Variants in NRXN3 observed in about 807,000 individuals in gnomAD.
The protein encoded by NRXN3 is neurexin III.
NRXN3 carries 32 observed loss-of-function variants against 137.6 expected under a neutral mutation model. The ratio of observed to expected loss-of-function variants is 0.23; its 90% CI spans 0.18 to 0.31. NRXN3 has a LOEUF of 0.31. Ranked by LOEUF, NRXN3 falls within the 10% of genes least tolerant of loss-of-function variation. The pLI is 1.00. For missense variants in NRXN3, 1,574 were observed against 2,062.5 expected (o/e 0.76, Z 4.59); for synonymous variants, 798 against 784.5 (o/e 1.02, Z -0.29).
chr14:79,517,369 C>G (rs1216277551), intron 16 of NRXN3, among the ~76,000 whole-genome samples: 1 of 152,122 alleles, frequency 6.6e-6, no homozygotes, highest in African/African-American at 2.4e-5. Flanking sequence ...AGACTAATCT[C>G]CATGATATGG....
intron 4 of NRXN3, among the ~76,000 whole-genome samples, chr14:78,324,378 T>C (rs904914290): frequency 3.3e-5 from 5 of 152,196 alleles, no homozygotes; most frequent in Admixed American, 1.3e-4. Flanking sequence ...CAATGAGATG[T>C]GTTCTACCCA....
intron 10 of NRXN3, among the ~76,000 whole-genome samples, chr14:78,897,573 T>A (rs2099181120): frequency 6.6e-6 from 1 of 151,774 alleles, no homozygotes; most frequent in Admixed American, 6.6e-5. Flanking sequence ...ACACTGGGAG[T>A]GACAGGATCT....
chr14:79,496,252 C>G (rs200038319), intron 16 of NRXN3, among the ~76,000 whole-genome samples: 1 of 145,868 alleles, frequency 6.9e-6, no homozygotes, highest in African/African-American at 2.7e-5. Context: ...CACACACACA[C>G]ACAGACACAC....
At chr14:79,025,010 A>G (rs937949592) in intron 15 of NRXN3, among the ~76,000 whole-genome samples, 16 of 152,164 alleles carry the variant, frequency 1.1e-4, no homozygotes, top group Admixed American at 8.5e-4. Context: ...ATGGCCCTGG[A>G]TGTGACTGCC....
At chr14:78,846,710 T>C (rs1334940732) in intron 10 of NRXN3, among the ~76,000 whole-genome samples, 35 of 152,062 alleles carry the variant, frequency 2.3e-4, no homozygotes, top group Non-Finnish European at 1.2e-4. Flanking sequence ...TATGCTGCAA[T>C]AAAAATGAAA....
chr14:78,663,415 A>G (rs1241926552), intron 6 of NRXN3, among the ~76,000 whole-genome samples: 1 of 152,134 alleles, frequency 6.6e-6, no homozygotes, highest in Non-Finnish European at 1.5e-5. Flanking sequence ...TTTTTGCTTG[A>G]TTTCCCACTT....
At chr14:79,595,390 A>G (rs925620940) in intron 16 of NRXN3, among the ~76,000 whole-genome samples, 9 of 152,220 alleles carry the variant, frequency 5.9e-5, no homozygotes, top group Non-Finnish European at 1.3e-4. Context: ...TAGATGTAGC[A>G]TGAGAAAATC....
intron 15 of NRXN3, among the ~76,000 whole-genome samples, chr14:79,025,973 C>T (rs556472739): frequency 6.6e-6 from 1 of 152,152 alleles, no homozygotes; most frequent in East Asian, 1.9e-4. Flanking sequence ...CACCTCCAGG[C>T]AAGAGGAATG....
intron 15 of NRXN3, among the ~76,000 whole-genome samples, chr14:79,233,395 T>C (rs1208475325): frequency 2.6e-5 from 4 of 152,124 alleles, no homozygotes; most frequent in Non-Finnish European, 4.4e-5. Context: ...TGCACTCCAG[T>C]ACAACTTGGT....
At chr14:78,601,256 T>C (rs2097199041) in intron 4 of NRXN3, among the ~76,000 whole-genome samples, 1 of 152,166 alleles carries the variant, frequency 6.6e-6, no homozygotes, top group Non-Finnish European at 1.5e-5. Flanking sequence ...AACTTTTGGC[T>C]TAAAAAAAAA....
chr14:79,855,510 AT>A (rs1428208458), intron 20 of NRXN3, among the ~76,000 whole-genome samples: 1 of 152,200 alleles, frequency 6.6e-6, no homozygotes, highest in Non-Finnish European at 1.5e-5. Flanking sequence ...ATCTTGATGC[AT>A]TAAAATATTT....
At chr14:79,138,717 G>A (rs2058499213) in intron 15 of NRXN3, among the ~76,000 whole-genome samples, 1 of 152,222 alleles carries the variant, frequency 6.6e-6, no homozygotes, top group African/African-American at 2.4e-5. Context: ...TGACTGAAAT[G>A]AGAACTTGCC....
At chr14:78,207,559 A>G (rs2062327847) in intron 1 of NRXN3, among the ~76,000 whole-genome samples, 1 of 152,174 alleles carries the variant, frequency 6.6e-6, no homozygotes, top group Non-Finnish European at 1.5e-5. Context: ...ACAATATTGA[A>G]TCCATAGTAA....
chr14:79,515,902 G>T (rs114333293), intron 16 of NRXN3, among the ~76,000 whole-genome samples: 1 of 152,266 alleles, frequency 6.6e-6, no homozygotes, highest in African/African-American at 2.4e-5. Context: ...CCTTCTGGGG[G>T]ATTTATGTGC....
rs961445835 is a variant in NRXN3, at chr14:79,706,911, A to G, written c.4014+8974A>G. 5.3e-5 allele frequency among the ~76,000 whole-genome samples: 8 copies of G among 151,904 alleles called. No individual in the cohort carries two copies. The East Asian group carries it at 1.4e-3, about 26-fold the overall frequency. Reference sequence around the variant, plus strand: ...GGCGCCTTTGCAGCCTCCATTTTACACTTGGCCCCCTGGCACTCCACTCTT... The same window carrying G: ...GGCGCCTTTGCAGCCTCCATTTTACGCTTGGCCCCCTGGCACTCCACTCTT... On this transcript the variant is annotated intron_variant, in intron 19 of 20. Transcript: ENST00000335750.
At chr14:79,088,602 C>G (rs148907408) in intron 15 of NRXN3, among the ~76,000 whole-genome samples, 18 of 152,166 alleles carry the variant, frequency 1.2e-4, no homozygotes, top group Admixed American at 7.9e-4. Flanking sequence ...CTTAACAGTT[C>G]CTCAGATGTA....
intron 10 of NRXN3, among the ~76,000 whole-genome samples, chr14:78,814,413 G>A (rs2098925045): frequency 6.6e-6 from 1 of 152,070 alleles, no homozygotes; most frequent in African/African-American, 2.4e-5. Flanking sequence ...TCAAGGGATC[G>A]AGACCATCCT....
chr14:79,137,134 C>A (rs757478057), intron 15 of NRXN3, among the ~76,000 whole-genome samples: 13 of 152,312 alleles, frequency 8.5e-5, no homozygotes, highest in Admixed American at 2.0e-4. Context: ...ATGCTGCCTG[C>A]TCGGAGAGGA....
chr14:78,296,124 T>C (rs866694650), intron 3 of NRXN3, among the ~76,000 whole-genome samples: 1 of 150,540 alleles, frequency 6.6e-6, no homozygotes, highest in African/African-American at 2.4e-5. Context: ...AGTGGTGCGA[T>C]CATAGCTCAT....
Sources: allele counts gnomAD v4.1 joint callset (sites outside exome capture counted in the v4.1 genomes callset), GRCh38; gene constraint gnomAD v4.1.1; transcripts MANE v1.5; gene names NCBI Gene and HGNC (gene_info 2026-07-23, HGNC 2026-07-21).